The following TNXB variants were observed in gnomAD, a reference collection of about 807,000 sequenced individuals.
TNXB encodes the protein tenascin XB.
In TNXB, 183 loss-of-function variants were observed where a neutral mutation model predicts 340.5. The observed-to-expected ratio is 0.54, with a 90% CI of 0.48 to 0.61. The LOEUF (loss-of-function observed/expected upper bound fraction) is 0.61, where lower values mean the gene tolerates loss of function less well. TNXB is among the 20% of genes least tolerant of loss of function. The probability of loss-of-function intolerance (pLI) is 0.00; values close to 1 mark genes in which losing one functional copy is unlikely to be tolerated. For synonymous variants in TNXB, 2,121 were observed against 2,314.5 expected (o/e 0.92, Z 2.40); for missense variants, 4,613 against 5,446.4 (o/e 0.85, Z 4.82).
chr6:32,056,968 G>C lies in TNXB; in HGVS notation c.7826-65C>G. 3 of 1,579,538 alleles carry C rather than the reference G, an allele frequency of 1.9e-6. No homozygotes were observed. In the South Asian group the frequency reaches 3.4e-5, roughly 18 times the overall value. On this transcript the variant is annotated intron_variant, in intron 22 of 43. Coordinates refer to ENST00000644971, the MANE Select transcript of TNXB (RefSeq NM_001365276.2). ...TGGCTCCTCAGTTCAGCATAGAAAG[G>C]ATGTGTCACAAAACACAAAGTGCCC... is the stretch of plus-strand genomic sequence containing the variant.
rs752427934 is a variant in TNXB at position 32,072,047 on chromosome 6, G to A, written c.4933C>T (p.Leu1645Phe). The A allele has an allele frequency of 2.5e-6, 4 of 1,611,980 alleles. No individual in the cohort carries two copies. Among genetic ancestry groups the A allele is most frequent in the South Asian group, 2.2e-5 (2 of 90,720 alleles). The change falls in exon 13 of 44, where the codon CTC becomes TTC. Residue 1645 changes from leucine (L) to phenylalanine (F), a missense_variant. Leu to Phe is a conservative substitution (Grantham distance 22). Around this residue, in one of 7 missense-constraint regions of TNXB, gnomAD observed 4,327 missense variants for 4,859.4 expected, o/e 0.89. Coordinates refer to ENST00000644971, the MANE Select transcript of TNXB (RefSeq NM_001365276.2). The surrounding 1 kb of genome is among the most constrained non-coding windows in gnomAD (Gnocchi z 4.4). ...CGTTTCCCATCCTGGATCCCAAAGA[G>A]CAGGAACTTGTACTTGCGGGAGGGT... The part of the protein sequence containing the change: ...LEPSRKYKFL[L>F]FGIQDGKRRS...
At position 32,097,266 on chromosome 6, in the gene TNXB, C is replaced by A. The variant is rs768720917; in HGVS notation, c.587G>T (p.Arg196Leu). Reference protein sequence around the residue: ...SCPDDCNDQGRCVRGRCVCFP... With the variant: ...SCPDDCNDQGLCVRGRCVCFP... ...GCACACGCAACGACCACGGACACAG[C>A]GACCCTGATCATTGCAGTCATCTGG... The change falls in exon 3 of 44, where the codon CGC becomes CTC. Residue 196 changes from arginine to leucine, a missense_variant. Arg to Leu is a moderately radical substitution (Grantham distance 102, BLOSUM62 -2). Coordinates refer to ENST00000644971, the MANE Select transcript of TNXB (RefSeq NM_001365276.2). The surrounding 1 kb of genome is among the most constrained non-coding windows in gnomAD (Gnocchi z 5.9). 7 of 1,612,232 alleles carry A rather than the reference C, an allele frequency of 4.3e-6. No individual in the cohort carries two copies. Among genetic ancestry groups the A allele is most frequent in the Non-Finnish European group, 5.9e-6 (7 of 1,179,314 alleles).
chr6:32,102,507 T>TA (rs1421790689), intron 1 of TNXB, among the ~76,000 whole-genome samples: 2 of 151,982 alleles, frequency 1.3e-5, no homozygotes, highest in Non-Finnish European at 2.9e-5. Flanking sequence ...TAGTGCTGAG[T>TA]AAAAAATATC....
In TNXB at chr6:32,090,149, G is replaced by A. The variant is rs1401944762; in HGVS notation, c.2359-770C>T. On this transcript the variant is annotated intron_variant, in intron 4 of 43. Transcript: ENST00000644971. The surrounding 1 kb of genome is among the most constrained non-coding windows in gnomAD (Gnocchi z 4.3). ...TTCCTGATTGTTGATTTTGTACCTG[G>A]CATCATGCTGGGCATTGGAGACACA... Among the ~76,000 whole-genome samples, 1 of 152,134 alleles carries A rather than the reference G, an allele frequency of 6.6e-6. No homozygotes were observed. Among genetic ancestry groups the A allele is most frequent in the Non-Finnish European group, 1.5e-5 (1 of 68,036 alleles).
Position 32,070,098 on chromosome 6 carries a change from A to AGCAGGGACCT in TNXB, c.5278+19_5278+28dup, listed in dbSNP as rs1260041819. On this transcript the variant is annotated intron_variant, in intron 14 of 43. Transcript: ENST00000644971. The surrounding 1 kb of genome is among the most constrained non-coding windows in gnomAD (Gnocchi z 6.0). ...CTGCTGCTTGGCCTGAGGGGAGCAG[A>AGCAGGGACCT]GCAGGGACCTGCAGGGAATGCCCCT... is the stretch of plus-strand genomic sequence containing the variant. 1 of 1,528,008 alleles carries AGCAGGGACCT rather than the reference A, an allele frequency of 6.5e-7. No homozygotes were observed. The highest frequency in any genetic ancestry group is 8.8e-7 in the Non-Finnish European group (1 of 1,138,464). 94.7% of individuals were successfully genotyped at this position (1,528,008 alleles called of 1,614,324 possible).
intron 11 of TNXB, among the ~76,000 whole-genome samples, chr6:32,077,168 T>G (rs968275440): frequency 7.9e-5 from 12 of 151,892 alleles, no homozygotes; most frequent in Non-Finnish European, 1.6e-4. Context: ...CCAGTGTGGG[T>G]CCCTGGGACA....
Position 32,067,918 on chromosome 6 carries a change from G to A in TNXB, c.6287C>T (p.Pro2096Leu), listed in dbSNP as rs534135812. The A allele has an allele frequency of 1.7e-5, 27 of 1,612,610 alleles. No individual in the cohort carries two copies. The highest frequency in any genetic ancestry group is 4.0e-5 in the African/African-American group (3 of 75,034). ...TGTCACTGTTAGCTCCCCCAGGAGC[G>A]GCTCCTCAGCGGGCTCCGGGGCCTC... is the stretch of plus-strand genomic sequence containing the variant. ...SMEAPEPAEE[P>L]LLGELTVTGS... The change falls in exon 18 of 44, where the codon CCG becomes CTG. Residue 2096 changes from proline (P) to leucine (L), a missense_variant. Physicochemically the swap from Pro to Leu is moderately conservative, Grantham distance 98 (BLOSUM62 -3). Around this residue, in one of 7 missense-constraint regions of TNXB, gnomAD observed 4,327 missense variants for 4,859.4 expected, o/e 0.89. Transcript: ENST00000644971. The surrounding 1 kb of genome is among the most constrained non-coding windows in gnomAD (Gnocchi z 4.2).
rs1002098810 is a variant in TNXB, at chr6:32,085,524, C to T, written c.3148+226G>A. Among the ~76,000 whole-genome samples, 1 of 152,084 alleles carries T rather than the reference C, an allele frequency of 6.6e-6. No homozygotes were observed. The highest frequency in any genetic ancestry group is 2.4e-5 in the African/African-American group (1 of 41,394). ...ACCCTCGGCCTTTTTACCTCTGCCT[C>T]TTTCCCCTCTCCCCACCCATCCTTA... On this transcript the variant is annotated intron_variant, in intron 7 of 43. Transcript: ENST00000644971. This position sits in a 1 kb window ranked among gnomAD's most constrained non-coding sequence, Gnocchi z 6.4.
intron 1 of TNXB, among the ~76,000 whole-genome samples, chr6:32,106,937 T>C (rs1487095848): frequency 6.6e-6 from 1 of 152,240 alleles, no homozygotes; most frequent in Non-Finnish European, 1.5e-5. Flanking sequence ...GACACACAAA[T>C]CCACCCCCAA....
rs878879249 is a variant in TNXB, at chr6:32,067,132, G to GAAGGAAGAAAGAAAGA, written c.6544+528_6544+529insTCTTTCTTTCTTCCTT. 0.028 allele frequency among the ~76,000 whole-genome samples: 3,304 copies of GAAGGAAGAAAGAAAGA among 117,894 alleles called. 70 individuals are homozygous for GAAGGAAGAAAGAAAGA. The highest frequency in any genetic ancestry group is 0.037 in the Admixed American group (399 of 10,824). 77.3% of individuals were successfully genotyped at this position (117,894 alleles called of 152,430 possible). A position where few individuals can be genotyped will look rare whatever the true frequency, so the allele number is the denominator to read the frequency against. ...AAGAAAGAGAAAGAAAGAAAGGAAG[G>GAAGGAAGAAAGAAAGA]AAGAAAGAAAGAAAGAAAGAAAGAA... On this transcript the variant is annotated intron_variant, in intron 18 of 43. Coordinates refer to ENST00000644971, the MANE Select transcript of TNXB (RefSeq NM_001365276.2). The surrounding 1 kb of genome is among the most constrained non-coding windows in gnomAD (Gnocchi z 4.2).
Position 32,053,642 on chromosome 6 carries a change from C to T in TNXB, c.8537G>A (p.Arg2846His), listed in dbSNP as rs376203791. 2.2e-5 allele frequency: 36 copies of T among 1,613,258 alleles called. No homozygotes were observed. Among genetic ancestry groups the T allele is most frequent in the East Asian group, 6.7e-5 (3 of 44,892 alleles). Residue 2846 changes from arginine to histidine, a missense_variant, in exon 25 of 44, where the codon CGC (arginine) becomes CAC (histidine). Around this residue, in one of 7 missense-constraint regions of TNXB, gnomAD observed 4,327 missense variants for 4,859.4 expected, o/e 0.89. Coordinates refer to ENST00000644971, the MANE Select transcript of TNXB (RefSeq NM_001365276.2). ...TTTPEPPNKPRLGELTVTDAT... is the reference protein window; with the variant it reads ...TTTPEPPNKPHLGELTVTDAT... Reference sequence around the variant, plus strand: ...ATCTGTCACGGTCAGCTCCCCGAGGCGAGGCTTGTTGGGGGGCTCAGGGGT... The same window carrying T: ...ATCTGTCACGGTCAGCTCCCCGAGGTGAGGCTTGTTGGGGGGCTCAGGGGT...
chr6:32,101,636 C>T (rs987544865), intron 1 of TNXB, among the ~76,000 whole-genome samples: 24 of 147,238 alleles, frequency 1.6e-4, no homozygotes, highest in African/African-American at 5.8e-4. Flanking sequence ...ACCAAGTTGG[C>T]CAGGCTGGTC....
Position 32,062,019 on chromosome 6 carries a change from C to T in TNXB, c.7168+138G>A, listed in dbSNP as rs1010820632. 1.8e-5 allele frequency: 22 copies of T among 1,204,978 alleles called. No individual in the cohort carries two copies. The highest frequency in any genetic ancestry group is 2.3e-6 in the Non-Finnish European group (2 of 875,034). 74.6% of individuals were successfully genotyped at this position (1,204,978 alleles called of 1,614,324 possible). A position where few individuals can be genotyped will look rare whatever the true frequency, so the allele number is the denominator to read the frequency against. On this transcript the variant is annotated intron_variant, in intron 20 of 43. Coordinates refer to ENST00000644971, the MANE Select transcript of TNXB (RefSeq NM_001365276.2). This position sits in a 1 kb window ranked among gnomAD's most constrained non-coding sequence, Gnocchi z 4.3. Reference sequence around the variant, plus strand: ...CAGGGGTCAACCACACAAAAAGGTACAATGGGAGCCCCAGCCCCAGCCACA... The same window carrying T: ...CAGGGGTCAACCACACAAAAAGGTATAATGGGAGCCCCAGCCCCAGCCACA...
chr6:32,043,784 T>G lies in TNXB; in HGVS notation c.11495A>C (p.Glu3832Ala). The change falls in exon 35 of 44, where the codon GAG becomes GCG. Residue 3832 changes from glutamate to alanine, a missense_variant. Glu to Ala is a moderately radical substitution (Grantham distance 107). Transcript: ENST00000644971. Reference sequence around the variant, plus strand: ...GAAGCCTGTGAGAGGCTCACTCTCCTCAAAGCCTCGGACCGAGACCACGGT... The same window carrying G: ...GAAGCCTGTGAGAGGCTCACTCTCCGCAAAGCCTCGGACCGAGACCACGGT... ...EVTVVSVRGF[E>A]ESEPLTGFLT... The G allele has an allele frequency of 6.2e-7, 1 of 1,613,458 alleles. No individual in the cohort carries two copies.
chr6:32,097,604 T>C lies in TNXB; in HGVS notation c.404-155A>G. 9.0e-7 allele frequency: 1 copy of C among 1,116,550 alleles called. No individual in the cohort carries two copies. The highest frequency in any genetic ancestry group is 1.7e-5 in the South Asian group (1 of 60,332). 69.2% of individuals were successfully genotyped at this position (1,116,550 alleles called of 1,614,324 possible). A position where few individuals can be genotyped will look rare whatever the true frequency, so the allele number is the denominator to read the frequency against. Reference sequence around the variant, plus strand: ...GCTAGTATGTGTAATGTATGCAGCCTCTCAGGGCCCTCGCATATGCTTTGG... The same window carrying C: ...GCTAGTATGTGTAATGTATGCAGCCCCTCAGGGCCCTCGCATATGCTTTGG... On this transcript the variant is annotated intron_variant, in intron 2 of 43. Coordinates refer to ENST00000644971, the MANE Select transcript of TNXB (RefSeq NM_001365276.2). The surrounding 1 kb of genome is among the most constrained non-coding windows in gnomAD (Gnocchi z 5.9).
chr6:32,057,145 T>C (rs1325102019), intron 22 of TNXB, among the ~76,000 whole-genome samples: 1 of 138,786 alleles, frequency 7.2e-6, no homozygotes, highest in African/African-American at 2.7e-5. Flanking sequence ...TCCCTGTCCC[T>C]CCAGCACCGC....
In TNXB at chr6:32,051,182, A is replaced by T. The variant is rs1291282041; in HGVS notation, c.9116-861T>A. On this transcript the variant is annotated intron_variant, in intron 26 of 43. Transcript: ENST00000644971. This position sits in a 1 kb window ranked among gnomAD's most constrained non-coding sequence, Gnocchi z 4.7. ...CAAGCTAAGGCCTGCCTGGCCTCAG[A>T]TCCTGACTGTCCCCTGAGTATCCAC... Among the ~76,000 whole-genome samples, 2 of 152,200 alleles carry T rather than the reference A, an allele frequency of 1.3e-5. No individual in the cohort carries two copies. The highest frequency in any genetic ancestry group is 2.9e-5 in the Non-Finnish European group (2 of 68,030).
chr6:32,097,078 AG>A lies in TNXB; in HGVS notation c.774del (p.Cys259ValfsTer19). 6.2e-7 allele frequency: 1 copy of A among 1,613,500 alleles called. No homozygotes were observed. The highest frequency in any genetic ancestry group is 2.2e-5 in the East Asian group (1 of 44,848). On this transcript the variant is annotated frameshift_variant, in exon 3 of 44. Transcript: ENST00000644971. LOFTEE classifies it high-confidence loss of function. The surrounding 1 kb of genome is among the most constrained non-coding windows in gnomAD (Gnocchi z 5.9). Reference sequence around the variant, plus strand: ...TCACACACGCAGCGCCCACCCTCACAGCGTCCCCTCTGGCTGCAACCTCGAG... The same window carrying A: ...TCACACACGCAGCGCCCACCCTCACACGTCCCCTCTGGCTGCAACCTCGAG... Reference protein sequence around the residue: ...SCPRGCSQRGRCEGGRCVCDP... With the variant: ...SCPRGCSQRGXCEGGRCVCDP...
chr6:32,078,095 G>GAA (rs199581479), intron 11 of TNXB, among the ~76,000 whole-genome samples: 1,463 of 136,008 alleles, frequency 0.011, 25 homozygotes, highest in African/African-American at 0.031. Flanking sequence ...AAGAAAGAAA[G>GAA]AAAGAAAGAA....
Sources: allele counts gnomAD v4.1 joint callset (sites outside exome capture counted in the v4.1 genomes callset), GRCh38; gene constraint gnomAD v4.1.1; regional missense constraint gnomAD v4.1.1; non-coding constraint Gnocchi (gnomAD v3.1); transcripts MANE v1.5; gene names NCBI Gene and HGNC (gene_info 2026-07-23, HGNC 2026-07-21).